The following MRAP variants were observed in gnomAD, a reference collection of about 807,000 sequenced individuals.
The protein encoded by MRAP is melanocortin 2 receptor accessory protein.
A neutral mutation model predicts 8.7 loss-of-function variants in MRAP; 8 were observed. The observed-to-expected ratio is 0.92, with a 90% CI of 0.54 to 1.66. The LOEUF (loss-of-function observed/expected upper bound fraction) is 1.66, where lower values mean the gene tolerates loss of function less well. Ranked by LOEUF, MRAP falls within the 40% of genes most tolerant of loss-of-function variation. The pLI is 0.00. For synonymous variants in MRAP, 95 were observed against 95.5 expected (o/e 1.00, Z 0.03); for missense variants, 237 against 217.1 (o/e 1.09, Z -0.58).
At chr21:32,298,363 G>C (rs1412099214), upstream of MRAP, among the ~76,000 whole-genome samples, 2 of 152,046 alleles carry the variant, frequency 1.3e-5, no homozygotes, top group Admixed American at 6.6e-5. Context: ...CACTCTGTTG[G>C]GGCAGGGGGC....
chr21:32,298,678 C>T (rs1038060679), upstream of MRAP, among the ~76,000 whole-genome samples: 2 of 152,090 alleles, frequency 1.3e-5, no homozygotes, highest in African/African-American at 4.8e-5. Flanking sequence ...GAGAGGGATC[C>T]TAGGGCTGCC....
intron 1 of MRAP, among the ~76,000 whole-genome samples, chr21:32,301,975 A>G (rs992167781): frequency 6.6e-6 from 1 of 152,266 alleles, no homozygotes; most frequent in Admixed American, 6.5e-5. Context: ...AATCATATTC[A>G]GGGCATGACA....
At chr21:32,293,561 GCCTAAAGCA>G in intron 2 of MRAP, among the ~76,000 whole-genome samples, 1 of 152,052 alleles carries the variant, frequency 6.6e-6, no homozygotes, top group African/African-American at 2.4e-5. Context: ...TGTGAGAATT[GCCTAAAGCA>G]CCTCGTCCAG....
chr21:32,308,292 G>A (rs1195086493), intron 2 of MRAP, among the ~76,000 whole-genome samples: 1 of 151,804 alleles, frequency 6.6e-6, no homozygotes, highest in African/African-American at 2.4e-5. Flanking sequence ...CAGGAGAATC[G>A]CTTGAACGCA....
At chr21:32,299,517 T>A (rs935174950) in intron 1 of MRAP, among the ~76,000 whole-genome samples, 2 of 152,080 alleles carry the variant, frequency 1.3e-5, no homozygotes, top group Non-Finnish European at 2.9e-5. Flanking sequence ...TGTATTTTTT[T>A]ATAGAGACAT....
chr21:32,293,602 G>C (rs2032089772), intron 2 of MRAP, among the ~76,000 whole-genome samples: 1 of 152,132 alleles, frequency 6.6e-6, no homozygotes, highest in Non-Finnish European at 1.5e-5. Flanking sequence ...ATAAACGTTT[G>C]TGCCGTCTCC....
chr21:32,301,057 CAT>C (rs968330318), intron 1 of MRAP, among the ~76,000 whole-genome samples: 195 of 151,360 alleles, frequency 1.3e-3, no homozygotes, highest in African/African-American at 4.3e-3. Flanking sequence ...TGATATATAT[CAT>C]ATCATATATC....
At chr21:32,306,513 TGA>T in intron 1 of MRAP, 125 bp from the exon 2 acceptor site, 2 of 744,782 alleles carry the variant, frequency 2.7e-6, no homozygotes, top group Non-Finnish European at 4.8e-6. Context: ...TGGTAACAGC[TGA>T]GAGGCTGGAG....
intron 1 of MRAP, among the ~76,000 whole-genome samples, chr21:32,306,095 T>TGAGCAGACCTAGGCTAACTCCCGTA (rs1170306856): frequency 4.6e-5 from 7 of 152,322 alleles, no homozygotes; most frequent in African/African-American, 1.7e-4. Flanking sequence ...GATCCAGGCA[T>TGAGCAGACCTAGGCTAACTCCCGTA]GAGCAGACCT....
Position 32,312,115 on chromosome 21 carries a change from G to A in MRAP, c.*119G>A, listed in dbSNP as rs1021137162. 3.7e-5 allele frequency: 58 copies of A among 1,564,250 alleles called. No individual in the cohort carries two copies. The African/African-American group carries it at 7.5e-4, about 20-fold the overall frequency. Reference sequence around the variant, plus strand: ...GTAGCAGAAAGGGCACCTAGGTCAAGTGCAACTAGAGCAGGAGCATCCTAT... The same window carrying A: ...GTAGCAGAAAGGGCACCTAGGTCAAATGCAACTAGAGCAGGAGCATCCTAT... On this transcript the variant is annotated 3_prime_UTR_variant, in exon 3 of 3. Transcript: ENST00000303645.
intron 2 of MRAP, among the ~76,000 whole-genome samples, chr21:32,309,983 C>T (rs17609611): frequency 0.033 from 5,079 of 152,128 alleles, 135 homozygotes; most frequent in Non-Finnish European, 0.054. Context: ...AATTTAAGCA[C>T]ATTTTTATAC....
At chr21:32,304,057 A>G (rs1025078960) in intron 1 of MRAP, among the ~76,000 whole-genome samples, 1 of 152,194 alleles carries the variant, frequency 6.6e-6, no homozygotes, top group African/African-American at 2.4e-5. Context: ...GCTGAGTTTG[A>G]AGCTGTTCCC....
rs377762060 is a variant in MRAP at position 32,308,607 on chromosome 21, T to C, written c.206+1868T>C. On this transcript the variant is annotated intron_variant, in intron 2 of 2. Transcript: ENST00000303645. ...GCTAATCAGCCCTCACAGCTGCTGC[T>C]CTCCTAATGACTGTTCTTAGGAGGG... The C allele has an allele frequency of 2.0e-5, 3 of 152,634 alleles. No individual in the cohort carries two copies. In the East Asian group the frequency reaches 5.8e-4, roughly 29 times the overall value. The allele number at this position is 152,634 out of a possible 1,614,324, so 9.5% of individuals were successfully genotyped here.
chr21:32,311,599 G>A, intron 2 of MRAP, 85 bp from the exon 3 acceptor site: 1 of 1,543,164 alleles, frequency 6.5e-7, no homozygotes. Flanking sequence ...CAGATGGCAG[G>A]TGTGGCAGGA....
intron 2 of MRAP, chr21:32,311,103 A>C (rs1289012690): frequency 6.5e-6 from 1 of 152,808 alleles, no homozygotes; most frequent in East Asian, 1.9e-4. Context: ...GCAAAGGAAG[A>C]GCAAAGCCAC....
chr21:32,301,360 T>C (rs1056694320), intron 1 of MRAP, among the ~76,000 whole-genome samples: 9 of 152,154 alleles, frequency 5.9e-5, no homozygotes, highest in African/African-American at 2.2e-4. Context: ...AGTGAGTGAG[T>C]TATTAGGAAA....
At position 32,300,347 on chromosome 21, in the gene MRAP, G is replaced by A. The variant is rs115569712; in HGVS notation, c.106+1270G>A. On this transcript the variant is annotated intron_variant, in intron 1 of 2. Transcript: ENST00000303645. ...ATGCATCCTATGTCAGGGGCGTCAC[G>A]CGTCCTATGTCAGATGTCACACATC... Among the ~76,000 whole-genome samples the A allele has an allele frequency of 7.1e-3, 1,084 of 151,656 alleles. 9 individuals carry two copies. The highest frequency in any genetic ancestry group is 0.021 in the African/African-American group (856 of 41,356).
chr21:32,304,382 C>T (rs1440753354), intron 1 of MRAP, among the ~76,000 whole-genome samples: 2 of 151,998 alleles, frequency 1.3e-5, no homozygotes, highest in Admixed American at 6.6e-5. Flanking sequence ...TTTGGGAGGC[C>T]GAGGCAGGTG....
At chr21:32,314,465 G>GT (rs1369525171), downstream of MRAP, 1 of 1,278,782 alleles carries the variant, frequency 7.8e-7, no homozygotes, top group Non-Finnish European at 1.1e-6. Flanking sequence ...GATTATAGGC[G>GT]TGAGCCACCT....
Sources: gnomAD v4.1 joint callset for allele counts (sites outside exome capture counted in the v4.1 genomes callset) on GRCh38, gnomAD v4.1.1 for gene constraint, MANE v1.5 for transcripts, NCBI Gene and HGNC (gene_info 2026-07-23, HGNC 2026-07-21) for gene names.